The following TACR1 variants were observed in gnomAD, a reference collection of about 807,000 sequenced individuals.
TACR1 encodes tachykinin receptor 1.
A neutral mutation model predicts 35.8 loss-of-function variants in TACR1; 25 were observed. The observed-to-expected ratio is 0.70, with a 90% confidence interval of 0.51 to 0.98. The LOEUF (loss-of-function observed/expected upper bound fraction) is 0.98. Among genes scored for constraint, TACR1 ranks in the 50% least tolerant of loss-of-function variants. TACR1 has a pLI of 0.00. For missense variants in TACR1, 478 were observed against 522.9 expected, an observed-to-expected ratio of 0.91 and a Z score of 0.84; for synonymous variants, 195 against 206.7, an observed-to-expected ratio of 0.94 and a Z score of 0.48.
rs961978867 is a variant in TACR1 at position 75,141,869 on chromosome 2, C to G, written c.390-21101G>C. On this transcript the variant is annotated intron_variant, in intron 1 of 4. Coordinates refer to ENST00000305249, the MANE Select transcript of TACR1 (RefSeq NM_001058.4). ...CTCTCTGGTTTCCTGAAGCTTCATA[C>G]CCCACATCTGCCCTACTGTGAGAGT... 2.6e-5 allele frequency among the ~76,000 whole-genome samples: 4 copies of G among 152,284 alleles called. No individual in the cohort carries two copies. The South Asian group carries it at 8.3e-4, about 32-fold the overall frequency.
intron 1 of TACR1, among the ~76,000 whole-genome samples, chr2:75,137,186 C>T (rs984756530): frequency 1.3e-5 from 2 of 152,024 alleles, no homozygotes; most frequent in Non-Finnish European, 2.9e-5. Context: ...GTTTCAGTCC[C>T]CTCACTAGAC....
chr2:75,167,348 G>A (rs554665218), intron 1 of TACR1, among the ~76,000 whole-genome samples: 4 of 152,300 alleles, frequency 2.6e-5, no homozygotes, highest in East Asian at 1.9e-4. Flanking sequence ...ACAGAGAGTA[G>A]CATGGTGTAT....
chr2:75,155,693 T>C (rs1451142561), intron 1 of TACR1, among the ~76,000 whole-genome samples: 1 of 152,248 alleles, frequency 6.6e-6, no homozygotes, highest in Non-Finnish European at 1.5e-5. Context: ...ATTTACATTT[T>C]ATCATATCCA....
At chr2:75,172,694 T>G (rs1675319236) in intron 1 of TACR1, among the ~76,000 whole-genome samples, 1 of 152,318 alleles carries the variant, frequency 6.6e-6, no homozygotes, top group East Asian at 1.9e-4. Flanking sequence ...CCCCAGCATC[T>G]GCAATACCTG....
Position 75,172,823 on chromosome 2 carries a change from G to C in TACR1, c.389+25723C>G, listed in dbSNP as rs373460230. On this transcript the variant is annotated intron_variant, in intron 1 of 4. Transcript: ENST00000305249. ...TTGGCAGAGTTGGTTCCTTCAGAGG[G>C]TTATGCAGGGAAGGATTTATTCAGA... Among the ~76,000 whole-genome samples the C allele has an allele frequency of 3.9e-5, 6 of 152,226 alleles. 1 individual carries two copies. In the East Asian group the frequency reaches 9.7e-4, roughly 25 times the overall value.
chr2:75,146,605 A>C (rs1252989529), intron 1 of TACR1, among the ~76,000 whole-genome samples: 2 of 152,320 alleles, frequency 1.3e-5, no homozygotes, highest in East Asian at 1.9e-4. Context: ...GGGGGTACCA[A>C]AGTGGAGATG....
chr2:75,067,496 C>T (rs1412346642), intron 2 of TACR1, among the ~76,000 whole-genome samples: 4 of 152,236 alleles, frequency 2.6e-5, no homozygotes, highest in African/African-American at 7.2e-5. Flanking sequence ...GACATGGTCC[C>T]TGCTTTTGAG....
At chr2:75,080,220 G>A (rs1162784420) in intron 2 of TACR1, among the ~76,000 whole-genome samples, 4 of 152,028 alleles carry the variant, frequency 2.6e-5, no homozygotes, top group East Asian at 1.9e-4. Flanking sequence ...AATGCTAAAC[G>A]TCCCTTTGAA....
intron 2 of TACR1, among the ~76,000 whole-genome samples, chr2:75,078,014 T>C (rs1673012819): frequency 1.3e-5 from 2 of 152,170 alleles, no homozygotes; most frequent in South Asian, 4.1e-4. Context: ...ACTCCTGAGA[T>C]TGAATTAACC....
intron 2 of TACR1, among the ~76,000 whole-genome samples, chr2:75,087,342 A>G (rs1673209145): frequency 6.6e-6 from 1 of 152,230 alleles, no homozygotes; most frequent in South Asian, 2.1e-4. Context: ...CAGATCCAGT[A>G]GAAGATATCC....
intron 1 of TACR1, among the ~76,000 whole-genome samples, chr2:75,148,491 A>T (rs1674597376): frequency 6.6e-6 from 1 of 152,218 alleles, no homozygotes; most frequent in South Asian, 2.1e-4. Context: ...GCTGTTTTTC[A>T]TATGTTTGTT....
At chr2:75,153,654 G>A (rs1674725103) in intron 1 of TACR1, among the ~76,000 whole-genome samples, 1 of 152,188 alleles carries the variant, frequency 6.6e-6, no homozygotes, top group African/African-American at 2.4e-5. Context: ...ACAACTTGGA[G>A]AGAAGCAATG....
intron 2 of TACR1, among the ~76,000 whole-genome samples, chr2:75,061,959 G>C (rs1672680726): frequency 6.6e-6 from 1 of 152,168 alleles, no homozygotes; most frequent in African/African-American, 2.4e-5. Flanking sequence ...TCATCTGCTT[G>C]ATTAGATTAA....
At chr2:75,088,340 T>C (rs1368408256) in intron 2 of TACR1, among the ~76,000 whole-genome samples, 2 of 151,882 alleles carry the variant, frequency 1.3e-5, no homozygotes, top group East Asian at 3.9e-4. Flanking sequence ...CGCAGCTAAC[T>C]CCTCAAAGCT....
chr2:75,186,048 A>G (rs1342637116), intron 1 of TACR1, among the ~76,000 whole-genome samples: 1 of 152,198 alleles, frequency 6.6e-6, no homozygotes, highest in Non-Finnish European at 1.5e-5. Flanking sequence ...TATATGCTAT[A>G]GGACTATAAT....
chr2:75,082,281 T>C (rs969685719), intron 2 of TACR1, among the ~76,000 whole-genome samples: 5 of 152,200 alleles, frequency 3.3e-5, no homozygotes, highest in African/African-American at 1.2e-4. Flanking sequence ...TAGTATTCCA[T>C]GGTGTATATG....
At chr2:75,087,099 G>T (rs373325057) in intron 2 of TACR1, among the ~76,000 whole-genome samples, 2 of 152,108 alleles carry the variant, frequency 1.3e-5, no homozygotes, top group South Asian at 2.1e-4. Context: ...TATACCCAAA[G>T]AATAGAAAAT....
chr2:75,094,238 A>G (rs1339108600), intron 2 of TACR1, among the ~76,000 whole-genome samples: 1 of 152,220 alleles, frequency 6.6e-6, no homozygotes, highest in Non-Finnish European at 1.5e-5. Flanking sequence ...CAAGAGAGTT[A>G]AAGCATTGTT....
chr2:75,105,473 TTAATAA>T (rs1386921497), intron 2 of TACR1, among the ~76,000 whole-genome samples: 1 of 151,976 alleles, frequency 6.6e-6, no homozygotes, highest in Non-Finnish European at 1.5e-5. Context: ...ATGACTATAG[TTAATAA>T]TAATGCATCG....
Sources: gnomAD v4.1 joint callset for allele counts (sites outside exome capture counted in the v4.1 genomes callset) on GRCh38, gnomAD v4.1.1 for gene constraint, MANE v1.5 for transcripts, NCBI Gene and HGNC (gene_info 2026-07-23, HGNC 2026-07-21) for gene names.